The following CTNNA1 variants were observed in gnomAD, a reference collection of about 807,000 sequenced individuals.
The protein encoded by CTNNA1 is catenin alpha-1.
In CTNNA1, 37 loss-of-function variants were observed where a neutral mutation model predicts 98.4. The ratio of observed to expected loss-of-function variants is 0.38; its 90% CI spans 0.29 to 0.49. The LOEUF (loss-of-function observed/expected upper bound fraction) is 0.49. CTNNA1 is among the 20% of genes least tolerant of loss of function. The pLI is 0.95. For synonymous variants in CTNNA1, 404 were observed against 413.2 expected (o/e 0.98, Z 0.27); for missense variants, 761 against 1,147.2 (o/e 0.66, Z 4.86).
intron 9 of CTNNA1, among the ~76,000 whole-genome samples, chr5:138,891,483 G>A (rs1299534689): frequency 6.6e-6 from 1 of 152,008 alleles, no homozygotes; most frequent in African/African-American, 2.4e-5. Context: ...ATTAATGGCC[G>A]GGCACTGTGG....
intron 9 of CTNNA1, chr5:138,887,868 C>G (rs1365341678): frequency 8.3e-6 from 3 of 362,150 alleles, no homozygotes; most frequent in African/African-American, 2.1e-5. Context: ...ATCCTAGAAG[C>G]CTAACATCTC....
At chr5:138,845,796 C>T (rs186110981) in intron 7 of CTNNA1, among the ~76,000 whole-genome samples, 3 of 152,236 alleles carry the variant, frequency 2.0e-5, no homozygotes, top group Admixed American at 6.5e-5. Context: ...AGCTTATAAC[C>T]GAGTATGATT....
intron 9 of CTNNA1, among the ~76,000 whole-genome samples, chr5:138,891,576 A>G (rs1248736582): frequency 6.6e-6 from 1 of 152,160 alleles, no homozygotes; most frequent in Admixed American, 6.5e-5. Flanking sequence ...GCCTGGCTAC[A>G]TGGTGAAACC....
intron 3 of CTNNA1, among the ~76,000 whole-genome samples, chr5:138,800,634 A>G (rs1264056913): frequency 6.6e-6 from 1 of 151,284 alleles, no homozygotes; most frequent in Non-Finnish European, 1.5e-5. Context: ...GTCTCTATTG[A>G]AAAAAAAAGA....
rs534998098 is a variant in CTNNA1, at chr5:138,803,848, G to T, written c.302-6190G>T. ...GTCTTTCTCTCCCACTAGAATGTAA[G>T]TTCCCTGGAGCCCGGGATTTTTTCC... is the stretch of plus-strand genomic sequence containing the variant. On this transcript the variant is annotated intron_variant, in intron 3 of 17. Transcript: ENST00000302763. 3.3e-5 allele frequency among the ~76,000 whole-genome samples: 5 copies of T among 152,254 alleles called. No individual in the cohort carries two copies. The South Asian group carries it at 8.3e-4, about 25-fold the overall frequency.
intron 7 of CTNNA1, among the ~76,000 whole-genome samples, chr5:138,860,989 T>TA (rs1340647212): frequency 1.3e-5 from 2 of 152,006 alleles, no homozygotes; most frequent in Non-Finnish European, 2.9e-5. Context: ...CAAGGGAAAA[T>TA]AGAGAGGTAG....
intron 1 of CTNNA1, among the ~76,000 whole-genome samples, chr5:138,763,332 C>G (rs700624): frequency 0.68 from 103,466 of 152,076 alleles, 35,438 homozygotes; most frequent in East Asian, 0.93. Context: ...CTGTTACATG[C>G]ATTCTTTCTA....
At chr5:138,802,342 T>C (rs1224393493) in intron 3 of CTNNA1, among the ~76,000 whole-genome samples, 2 of 152,118 alleles carry the variant, frequency 1.3e-5, no homozygotes, top group Non-Finnish European at 2.9e-5. Context: ...TTATTTTTAA[T>C]TTTTATTTTG....
At chr5:138,876,512 T>C (rs1431570015) in intron 7 of CTNNA1, among the ~76,000 whole-genome samples, 1 of 152,260 alleles carries the variant, frequency 6.6e-6, no homozygotes, top group Non-Finnish European at 1.5e-5. Flanking sequence ...CTAGATGTTA[T>C]ATTTTCAGGC....
At chr5:138,872,023 C>CAA (rs1750690371) in intron 7 of CTNNA1, 1 of 120,520 alleles carries the variant, frequency 8.3e-6, no homozygotes, top group African/African-American at 3.1e-5. Flanking sequence ...AGAGAGAGCG[C>CAA]GAGAGTGTGT....
intron 1 of CTNNA1, among the ~76,000 whole-genome samples, chr5:138,758,316 C>G (rs939646865): frequency 6.6e-6 from 1 of 152,114 alleles, no homozygotes; most frequent in African/African-American, 2.4e-5. Flanking sequence ...GTTCTCCTGC[C>G]TCAGCCTCCC....
At chr5:138,774,382 C>G (rs753869182) in intron 1 of CTNNA1, among the ~76,000 whole-genome samples, 1 of 152,062 alleles carries the variant, frequency 6.6e-6, no homozygotes, top group African/African-American at 2.4e-5. Context: ...GAAGTTGTCA[C>G]TAACGTTAAA....
intron 9 of CTNNA1, among the ~76,000 whole-genome samples, chr5:138,890,423 C>T (rs1034032562): frequency 7.2e-5 from 11 of 152,178 alleles, no homozygotes; most frequent in African/African-American, 2.4e-4. Context: ...CAGCCAGGTA[C>T]AAATCTGAGG....
In CTNNA1 at chr5:138,811,199, A is replaced by G. The variant is rs1264134461; in HGVS notation, c.469-984A>G. On this transcript the variant is annotated intron_variant, in intron 4 of 17. Transcript: ENST00000302763. ...GGCGGAGGGTCTCCTCACTTCTCAG[A>G]CGGGGCGGCCGGGCAGAGACGCTCC... 5.8e-3 allele frequency among the ~76,000 whole-genome samples: 779 copies of G among 134,036 alleles called. 1 individual carries two copies. The highest frequency in any genetic ancestry group is 7.8e-3 in the Non-Finnish European group (493 of 63,366). 87.9% of individuals were successfully genotyped at this position (134,036 alleles called of 152,430 possible).
Position 138,922,944 on chromosome 5 carries a change from A to C in CTNNA1, c.1547-1566A>C, listed in dbSNP as rs1763220217. Among the ~76,000 whole-genome samples, 3 of 148,952 alleles carry C rather than the reference A, an allele frequency of 2.0e-5. No individual in the cohort carries two copies. In the South Asian group the frequency reaches 6.4e-4, roughly 32 times the overall value. On this transcript the variant is annotated intron_variant, in intron 11 of 17. Coordinates refer to ENST00000302763, the MANE Select transcript of CTNNA1 (RefSeq NM_001903.5). The stretch of plus-strand genomic sequence containing the variant: ...TCTAAATGGATTAAAAAAAAAAAAA[A>C]CCGTAGAAGTATCTAGACAAAGGTT...
At chr5:138,822,168 A>G (rs1156421411) in intron 5 of CTNNA1, among the ~76,000 whole-genome samples, 2 of 152,230 alleles carry the variant, frequency 1.3e-5, no homozygotes, top group Non-Finnish European at 2.9e-5. Flanking sequence ...CACACAGAAC[A>G]TATGCACCAG....
chr5:138,772,038 A>G (rs1385449939), intron 1 of CTNNA1, among the ~76,000 whole-genome samples: 1 of 152,228 alleles, frequency 6.6e-6, no homozygotes, highest in Non-Finnish European at 1.5e-5. Flanking sequence ...CCATTCTTTT[A>G]TAAGTGAATG....
chr5:138,829,484 C>T (rs138725302), intron 7 of CTNNA1, among the ~76,000 whole-genome samples: 14 of 152,234 alleles, frequency 9.2e-5, no homozygotes, highest in South Asian at 8.3e-4. Context: ...CCGATTGCTC[C>T]GTTTTAGAGC....
chr5:138,797,181 T>C (rs1346699196), intron 3 of CTNNA1, among the ~76,000 whole-genome samples: 1 of 152,240 alleles, frequency 6.6e-6, no homozygotes, highest in East Asian at 1.9e-4. Context: ...GCCTGAGTTT[T>C]ATTATCATAC....
Sources: gnomAD v4.1 joint callset for allele counts (sites outside exome capture counted in the v4.1 genomes callset) on GRCh38, gnomAD v4.1.1 for gene constraint, MANE v1.5 for transcripts, NCBI Gene and HGNC (gene_info 2026-07-23, HGNC 2026-07-21) for gene names.